The following CLEC9A variants were observed in gnomAD, a reference collection of about 807,000 sequenced individuals.
CLEC9A encodes the protein C-type lectin domain family 9 member A.
A neutral mutation model predicts 30.0 loss-of-function variants in CLEC9A; 24 were observed. The ratio of observed to expected loss-of-function variants is 0.80; its 90% CI spans 0.58 to 1.13. The LOEUF (loss-of-function observed/expected upper bound fraction) is 1.13, where lower values mean the gene tolerates loss of function less well. Ranked by LOEUF, CLEC9A falls within the 50% of genes most tolerant of loss-of-function variation. The probability of loss-of-function intolerance (pLI) is 0.00; values close to 1 mark genes in which losing one functional copy is unlikely to be tolerated. For synonymous variants in CLEC9A, 111 were observed against 96.8 expected (o/e 1.15, Z -0.86); for missense variants, 251 against 280.9 (o/e 0.89, Z 0.76).
rs538314490 is a variant in CLEC9A, at chr12:10,039,812, C to CTTTA, written c.-317-1630_-317-1627dup. ...GTTATTTACCTAATTATCACAAGTA[C>CTTTA]TTTATTTATTTATTTATTTATTTAT... On this transcript the variant is annotated intron_variant, in intron 1 of 8. Coordinates refer to ENST00000355819, the MANE Select transcript of CLEC9A (RefSeq NM_207345.4). Among the ~76,000 whole-genome samples, 1,058 of 151,966 alleles carry CTTTA rather than the reference C, an allele frequency of 7.0e-3. 10 individuals carry two copies. The highest frequency in any genetic ancestry group is 0.02 in the African/African-American group (842 of 41,444).
chr12:10,035,465 T>C (rs1169430619), intron 1 of CLEC9A, among the ~76,000 whole-genome samples: 1 of 152,248 alleles, frequency 6.6e-6, no homozygotes, highest in Non-Finnish European at 1.5e-5. Flanking sequence ...GTAGTAATTT[T>C]AAAGGAAAGT....
chr12:10,041,709 C>T lies in CLEC9A; in HGVS notation c.-163+89C>T, dbSNP rs1427088898. 1.0e-5 allele frequency: 5 copies of T among 486,512 alleles called. No homozygotes were observed. The East Asian group carries it at 3.0e-4, about 29-fold the overall frequency. 30.1% of individuals were successfully genotyped at this position (486,512 alleles called of 1,614,324 possible). On this transcript the variant is annotated intron_variant, in intron 2 of 8. Coordinates refer to ENST00000355819, the MANE Select transcript of CLEC9A (RefSeq NM_207345.4). ...GACCTTTTTTGTTTTTTACATTTTT[C>T]TTAACATCTTTCAGTTTGTACTAAT...
At chr12:10,048,278 C>T (rs1248891594) in intron 2 of CLEC9A, among the ~76,000 whole-genome samples, 1 of 149,740 alleles carries the variant, frequency 6.7e-6, no homozygotes, top group Non-Finnish European at 1.5e-5. Context: ...GTGGTGCACG[C>T]ATGTAGTCCC....
At chr12:10,054,220 T>C (rs1322266899) in intron 4 of CLEC9A, 51 bp from the exon 5 acceptor site, 7 of 1,458,276 alleles carry the variant, frequency 4.8e-6, no homozygotes, top group Non-Finnish European at 5.8e-6. Context: ...TGCCCCGTCT[T>C]TTTTATCTGC....
intron 5 of CLEC9A, among the ~76,000 whole-genome samples, chr12:10,059,229 C>CA (rs1330130666): frequency 6.6e-6 from 1 of 151,918 alleles, no homozygotes; most frequent in African/African-American, 2.4e-5. Flanking sequence ...ATATAAAATA[C>CA]AATAAAGAAT....
intron 1 of CLEC9A, among the ~76,000 whole-genome samples, chr12:10,039,954 C>T (rs1005913547): frequency 2.0e-5 from 3 of 152,134 alleles, no homozygotes; most frequent in Non-Finnish European, 4.4e-5. Flanking sequence ...TCCCGAGTAG[C>T]TGGCATTACA....
At position 10,059,798 on chromosome 12, in the gene CLEC9A, A is replaced by C. The variant is rs189436089; in HGVS notation, c.173-1329A>C. ...TACAGACTGGGAATAAATAGTTGTA[A>C]ATCAATATCTGACAAAGGATTAGAA... On this transcript the variant is annotated intron_variant, in intron 5 of 8. Transcript: ENST00000355819. Among the ~76,000 whole-genome samples the C allele has an allele frequency of 5.3e-5, 8 of 152,322 alleles. No individual in the cohort carries two copies. The East Asian group carries it at 1.5e-3, about 29-fold the overall frequency.
At chr12:10,040,770 T>C (rs1195017314) in intron 1 of CLEC9A, 2 of 155,794 alleles carry the variant, frequency 1.3e-5, no homozygotes, top group African/African-American at 4.8e-5. Context: ...TTTAATGAAA[T>C]GAAAATTCAA....
intron 6 of CLEC9A, among the ~76,000 whole-genome samples, chr12:10,062,299 C>T (rs931401271): frequency 9.9e-5 from 15 of 152,170 alleles, no homozygotes; most frequent in Admixed American, 2.0e-4. Flanking sequence ...TGTCTAGAAA[C>T]CAGAGTTGTG....
intron 6 of CLEC9A, among the ~76,000 whole-genome samples, chr12:10,062,702 C>T (rs1866008176): frequency 1.3e-5 from 2 of 151,974 alleles, no homozygotes; most frequent in Admixed American, 6.6e-5. Flanking sequence ...GTAAGACTAA[C>T]AGACATGAAA....
At chr12:10,058,747 G>A (rs1865966502) in intron 5 of CLEC9A, among the ~76,000 whole-genome samples, 1 of 152,124 alleles carries the variant, frequency 6.6e-6, no homozygotes, top group Non-Finnish European at 1.5e-5. Context: ...GCTTTGCCAT[G>A]TTGGCCATGG....
chr12:10,044,093 A>C (rs574121409), intron 2 of CLEC9A, among the ~76,000 whole-genome samples: 1 of 152,260 alleles, frequency 6.6e-6, no homozygotes, highest in Admixed American at 6.5e-5. Context: ...CTATCCTTCA[A>C]GTCTCCAAGA....
intron 2 of CLEC9A, among the ~76,000 whole-genome samples, chr12:10,051,204 TA>T (rs76673745): frequency 5.2e-3 from 712 of 136,478 alleles, no homozygotes; most frequent in African/African-American, 5.3e-3. Context: ...AAACTCTGTC[TA>T]AAAAAAAAAA....
intron 1 of CLEC9A, among the ~76,000 whole-genome samples, chr12:10,037,623 G>C (rs771169803): frequency 2.2e-4 from 34 of 152,116 alleles, no homozygotes; most frequent in Non-Finnish European, 4.6e-4. Context: ...GGAGGACCCA[G>C]GAAAAACCCA....
intron 1 of CLEC9A, among the ~76,000 whole-genome samples, chr12:10,040,305 T>C (rs928445513): frequency 2.0e-5 from 3 of 152,216 alleles, no homozygotes; most frequent in Non-Finnish European, 2.9e-5. Flanking sequence ...GGATCTTTTT[T>C]ATTTGTGATT....
chr12:10,041,477 C>T lies in CLEC9A; in HGVS notation c.-306C>T, dbSNP rs1865797073. ...CTTGGTTTCTCCAGGTGACTATAAACGCAGCCCCTGTGATGCCAACTGGAC... is the reference window on the plus strand; with the variant it reads ...CTTGGTTTCTCCAGGTGACTATAAATGCAGCCCCTGTGATGCCAACTGGAC... On this transcript the variant is annotated 5_prime_UTR_variant, in exon 2 of 9. In the 5' UTR this introduces an upstream ATG that the reference lacks. Transcript: ENST00000355819. 4 of 440,044 alleles carry T rather than the reference C, an allele frequency of 9.1e-6. No homozygotes were observed. The highest frequency in any genetic ancestry group is 3.6e-4 in the Middle Eastern group (1 of 2,782). 27.3% of individuals were successfully genotyped at this position (440,044 alleles called of 1,614,324 possible). A position where few individuals can be genotyped will look rare whatever the true frequency, so the allele number is the denominator to read the frequency against.
At chr12:10,034,547 C>A (rs140293862) in intron 1 of CLEC9A, among the ~76,000 whole-genome samples, 1 of 152,184 alleles carries the variant, frequency 6.6e-6, no homozygotes, top group South Asian at 2.1e-4. Flanking sequence ...TGCTCCCCAC[C>A]CTTTACTATA....
intron 5 of CLEC9A, among the ~76,000 whole-genome samples, chr12:10,054,872 G>A (rs1865926139): frequency 6.6e-6 from 1 of 152,126 alleles, no homozygotes; most frequent in Non-Finnish European, 1.5e-5. Flanking sequence ...TAATTACAGA[G>A]CTTCAGATTC....
At chr12:10,045,805 A>G (rs1172771555) in intron 2 of CLEC9A, 1 of 153,822 alleles carries the variant, frequency 6.5e-6, no homozygotes, top group African/African-American at 2.4e-5. Context: ...AATATCCAGA[A>G]CCCAACATGT....
Sources: gnomAD v4.1 joint callset for allele counts (sites outside exome capture counted in the v4.1 genomes callset) on GRCh38, gnomAD v4.1.1 for gene constraint, MANE v1.5 for transcripts, NCBI Gene and HGNC (gene_info 2026-07-23, HGNC 2026-07-21) for gene names.